DLGAP2: variants seen among roughly 807,000 people sequenced by gnomAD.
DLGAP2 encodes the protein DLG associated protein 2, also known as disks large-associated protein 2.
In DLGAP2, 26 loss-of-function variants were observed where a neutral mutation model predicts 100.3. The ratio of observed to expected loss-of-function variants is 0.26; its 90% CI spans 0.19 to 0.36. The LOEUF is 0.36. Ranked by LOEUF, DLGAP2 falls within the 10% of genes least tolerant of loss-of-function variation. The pLI is 1.00. For missense variants in DLGAP2, 1,858 were observed against 1,453.2 expected, an observed-to-expected ratio of 1.28 and a Z score of -4.53; for synonymous variants, 886 against 630.1, an observed-to-expected ratio of 1.41 and a Z score of -6.08.
At chr8:1,700,758 G>C (rs1434017808) in intron 14 of DLGAP2, among the ~76,000 whole-genome samples, 3 of 152,200 alleles carry the variant, frequency 2.0e-5, no homozygotes, top group African/African-American at 4.8e-5. Context: ...GAATCCCAGA[G>C]TCTGCAGAAA....
chr8:1,422,423 A>G (rs1797116871), intron 3 of DLGAP2, among the ~76,000 whole-genome samples: 1 of 152,212 alleles, frequency 6.6e-6, no homozygotes. Context: ...AGAAAAGCGA[A>G]GATGGCCGTG....
At chr8:786,301 G>A (rs987509500) in intron 1 of DLGAP2, among the ~76,000 whole-genome samples, 1 of 152,136 alleles carries the variant, frequency 6.6e-6, no homozygotes, top group African/African-American at 2.4e-5. Flanking sequence ...GCTGGGTCCC[G>A]GAGGTCACCA....
chr8:1,306,863 A>G (rs1239419311), intron 3 of DLGAP2, among the ~76,000 whole-genome samples: 1 of 152,182 alleles, frequency 6.6e-6, no homozygotes, highest in African/African-American at 2.4e-5. Context: ...ATGAAGCTGA[A>G]CTCATACCTT....
intron 3 of DLGAP2, among the ~76,000 whole-genome samples, chr8:1,275,849 A>ATATATAATATATAAATG (rs1799675512): frequency 3.3e-5 from 3 of 90,914 alleles, no homozygotes; most frequent in African/African-American, 1.1e-4. Flanking sequence ...ATATATAAAT[A>ATATATAATATATAAATG]TATATAATAT....
intron 3 of DLGAP2, among the ~76,000 whole-genome samples, chr8:1,440,120 C>T (rs1222826566): frequency 6.6e-6 from 1 of 152,080 alleles, no homozygotes; most frequent in African/African-American, 2.4e-5. Context: ...TGAGATTTTA[C>T]TCCTCTTCAT....
intron 2 of DLGAP2, among the ~76,000 whole-genome samples, chr8:1,184,988 C>T (rs944528036): frequency 6.6e-6 from 1 of 152,086 alleles, no homozygotes; most frequent in Non-Finnish European, 1.5e-5. Flanking sequence ...GACTTTAGAG[C>T]AGGAGTGTGG....
At chr8:1,457,911 T>C (rs1201500675) in intron 3 of DLGAP2, among the ~76,000 whole-genome samples, 1 of 148,556 alleles carries the variant, frequency 6.7e-6, no homozygotes, top group Non-Finnish European at 1.5e-5. Flanking sequence ...ATGAAATTCC[T>C]TTAAACTATG....
intron 6 of DLGAP2, among the ~76,000 whole-genome samples, chr8:1,624,845 TTCTCTC>T (rs372888355): frequency 5.6e-5 from 7 of 126,084 alleles, no homozygotes; most frequent in South Asian, 2.3e-4. Context: ...TCCCTTTGCT[TTCTCTC>T]TCTCTCTCTC....
intron 1 of DLGAP2, among the ~76,000 whole-genome samples, chr8:847,066 C>G (rs1002540098): frequency 6.6e-6 from 1 of 152,072 alleles, no homozygotes; most frequent in Non-Finnish European, 1.5e-5. Flanking sequence ...ATTCTTTTAC[C>G]TTACATATTT....
chr8:1,207,234 C>T (rs1337958343), intron 2 of DLGAP2, among the ~76,000 whole-genome samples: 1 of 152,192 alleles, frequency 6.6e-6, no homozygotes, highest in Non-Finnish European at 1.5e-5. Flanking sequence ...TCCACCCCTT[C>T]CCATCCTTCC....
At chr8:1,636,116 T>C (rs1345253083) in intron 8 of DLGAP2, among the ~76,000 whole-genome samples, 3 of 152,254 alleles carry the variant, frequency 2.0e-5, no homozygotes, top group African/African-American at 7.2e-5. Context: ...ATTTCACACA[T>C]GGTTTCTTTC....
chr8:1,143,795 G>C (rs575623702), intron 2 of DLGAP2, among the ~76,000 whole-genome samples: 59 of 152,320 alleles, frequency 3.9e-4, no homozygotes, highest in African/African-American at 1.3e-3. Flanking sequence ...TGCAGGCATT[G>C]TTGCTTTCCC....
At chr8:1,228,412 T>A (rs4388476) in intron 2 of DLGAP2, among the ~76,000 whole-genome samples, 1 of 152,302 alleles carries the variant, frequency 6.6e-6, no homozygotes, top group African/African-American at 2.4e-5. Context: ...ATCTTACATA[T>A]GCTCTTTCAA....
At chr8:988,425 C>T (rs915295546) in intron 2 of DLGAP2, among the ~76,000 whole-genome samples, 1 of 152,090 alleles carries the variant, frequency 6.6e-6, no homozygotes, top group African/African-American at 2.4e-5. Flanking sequence ...TATTACCTGC[C>T]CAAAGTCATT....
At chr8:1,614,798 G>C (rs1377322725) in intron 6 of DLGAP2, among the ~76,000 whole-genome samples, 1 of 152,250 alleles carries the variant, frequency 6.6e-6, no homozygotes, top group Non-Finnish European at 1.5e-5. Context: ...CACTCATACA[G>C]ATGACAGCCA....
At chr8:1,454,901 G>T (rs576481689) in intron 3 of DLGAP2, among the ~76,000 whole-genome samples, 4 of 152,280 alleles carry the variant, frequency 2.6e-5, no homozygotes, top group South Asian at 4.2e-4. Flanking sequence ...CAGACAGGAT[G>T]ACCTGATGGC....
At chr8:1,120,820 C>T (rs543276105) in intron 2 of DLGAP2, among the ~76,000 whole-genome samples, 4 of 151,546 alleles carry the variant, frequency 2.6e-5, no homozygotes, top group Admixed American at 1.3e-4. Flanking sequence ...CTCCCATCCT[C>T]GTCCAGTTAG....
At chr8:1,631,671 GTCTT>G (rs1366115632) in intron 7 of DLGAP2, among the ~76,000 whole-genome samples, 1 of 152,202 alleles carries the variant, frequency 6.6e-6, no homozygotes, top group Non-Finnish European at 1.5e-5. Flanking sequence ...GCATGGGTCT[GTCTT>G]CCCTGCAGGG....
chr8:1,633,895 A>C (rs1797710002), intron 8 of DLGAP2, among the ~76,000 whole-genome samples: 3 of 152,272 alleles, frequency 2.0e-5, no homozygotes. Flanking sequence ...CATTAGGAAC[A>C]GCAGACACAT....
Sources: allele counts gnomAD v4.1 joint callset (sites outside exome capture counted in the v4.1 genomes callset), GRCh38; gene constraint gnomAD v4.1.1; transcripts MANE v1.5; gene names NCBI Gene and HGNC (gene_info 2026-07-23, HGNC 2026-07-21).